The following IL1RL2 variants were observed in gnomAD, a reference collection of about 807,000 sequenced individuals.
IL1RL2 encodes the protein interleukin 1 receptor like 2.
A neutral mutation model predicts 66.8 loss-of-function variants in IL1RL2; 68 were observed. That is an observed-to-expected ratio of 1.02 (90% CI 0.84 to 1.25). IL1RL2 has a LOEUF of 1.25. Ranked by LOEUF, IL1RL2 falls within the 50% of genes most tolerant of loss-of-function variation. The pLI is 0.00. For missense variants in IL1RL2, 729 were observed against 709.3 expected, an observed-to-expected ratio of 1.03 and a Z score of -0.32; for synonymous variants, 305 against 264.6, an observed-to-expected ratio of 1.15 and a Z score of -1.48.
At chr2:102,207,485 G>T (rs748066857) in intron 5 of IL1RL2, among the ~76,000 whole-genome samples, 1 of 151,646 alleles carries the variant, frequency 6.6e-6, no homozygotes, top group Non-Finnish European at 1.5e-5. Context: ...AATCCTTTCC[G>T]TCAAGGCAGC....
chr2:102,200,986 A>T (rs3755290), intron 4 of IL1RL2, among the ~76,000 whole-genome samples: 5 of 152,062 alleles, frequency 3.3e-5, no homozygotes, highest in East Asian at 3.9e-4. Context: ...ACTTCTATAA[A>T]GTCCAATGCT....
chr2:102,206,759 T>A (rs1182722096), intron 5 of IL1RL2, among the ~76,000 whole-genome samples: 1 of 152,232 alleles, frequency 6.6e-6, no homozygotes, highest in African/African-American at 2.4e-5. Context: ...CTTTAGGCCC[T>A]GGTGCTCTAC....
At chr2:102,209,220 A>G (rs1205400893) in intron 5 of IL1RL2, among the ~76,000 whole-genome samples, 1 of 152,236 alleles carries the variant, frequency 6.6e-6, no homozygotes, top group Non-Finnish European at 1.5e-5. Context: ...AAAAGTGAAA[A>G]GCATTGTTTC....
At chr2:102,240,729 C>T (rs1291947707), downstream of IL1RL2, among the ~76,000 whole-genome samples, 1 of 152,218 alleles carries the variant, frequency 6.6e-6, no homozygotes, top group Non-Finnish European at 1.5e-5. Context: ...CTTCAATCAA[C>T]AAGGCTTTAT....
intron 1 of IL1RL2, 45 bp from the exon 2 acceptor site, chr2:102,187,811 C>T (rs1686821155): frequency 1.3e-6 from 2 of 1,528,948 alleles, no homozygotes; most frequent in East Asian, 4.5e-5. Context: ...CTCGGGCCCG[C>T]CCTACTGCGT....
In IL1RL2 at chr2:102,187,851, T is replaced by C; in HGVS notation, c.-12-5T>C. 1 of 1,614,000 alleles carries C rather than the reference T, an allele frequency of 6.2e-7. No individual in the cohort carries two copies. The highest frequency in any genetic ancestry group is 1.1e-5 in the South Asian group (1 of 91,088). Reference sequence around the variant, plus strand: ...CCCTCCCACCCTCTTCTCCCTTCCTTGCAGCCCGGTTTGGGGATGTGGTCC... The same window carrying C: ...CCCTCCCACCCTCTTCTCCCTTCCTCGCAGCCCGGTTTGGGGATGTGGTCC... On this transcript the variant is annotated splice_region_variant and splice_polypyrimidine_tract_variant and intron_variant, in intron 1 of 11. Coordinates refer to ENST00000264257, the MANE Select transcript of IL1RL2 (RefSeq NM_003854.4).
intron 5 of IL1RL2, among the ~76,000 whole-genome samples, chr2:102,207,344 C>T (rs1300523326): frequency 2.6e-5 from 4 of 152,192 alleles, no homozygotes; most frequent in Non-Finnish European, 5.9e-5. Context: ...ATAATGTGCT[C>T]AGTCTCACCT....
intron 2 of IL1RL2, among the ~76,000 whole-genome samples, chr2:102,188,431 T>TA (rs1466358247): frequency 3.3e-5 from 5 of 151,152 alleles, no homozygotes; most frequent in African/African-American, 1.2e-4. Context: ...AAAAATACAT[T>TA]AAAAAAATTA....
In IL1RL2 at chr2:102,222,999, A is replaced by G. The variant is rs539417690; in HGVS notation, c.992-2899A>G. On this transcript the variant is annotated intron_variant, in intron 8 of 11. Coordinates refer to ENST00000264257, the MANE Select transcript of IL1RL2 (RefSeq NM_003854.4). ...ACTTTTTGAAAGCACTGTGTTCCGA[A>G]GGATTCTGAGGCCAAGTCCAAGCTC... is the stretch of plus-strand genomic sequence containing the variant. Among the ~76,000 whole-genome samples the G allele has an allele frequency of 2.0e-5, 3 of 152,354 alleles. No individual in the cohort carries two copies. The East Asian group carries it at 5.8e-4, about 29-fold the overall frequency.
chr2:102,220,142 T>C, intron 8 of IL1RL2, 125 bp downstream of exon 8: 1 of 806,052 alleles, frequency 1.2e-6, no homozygotes, highest in Non-Finnish European at 1.8e-6. Context: ...AGGGACAAAC[T>C]CAGTATGAAA....
intron 5 of IL1RL2, among the ~76,000 whole-genome samples, chr2:102,208,353 A>G (rs1185769857): frequency 6.6e-6 from 1 of 152,140 alleles, no homozygotes; most frequent in Non-Finnish European, 1.5e-5. Context: ...CCAGGAGGGG[A>G]GCAACTTATT....
At chr2:102,232,615 G>A (rs1162930078) in intron 9 of IL1RL2, among the ~76,000 whole-genome samples, 3 of 152,184 alleles carry the variant, frequency 2.0e-5, no homozygotes, top group Non-Finnish European at 4.4e-5. Context: ...TGCGCTGGAC[G>A]AGTCTTCTGC....
At chr2:102,204,382 T>A (rs1688524959) in intron 5 of IL1RL2, among the ~76,000 whole-genome samples, 2 of 152,096 alleles carry the variant, frequency 1.3e-5, no homozygotes, top group South Asian at 4.1e-4. Flanking sequence ...GTTCTGTAAA[T>A]GGATCTATTA....
chr2:102,211,619 T>A (rs1689176911), intron 5 of IL1RL2, among the ~76,000 whole-genome samples: 1 of 152,210 alleles, frequency 6.6e-6, no homozygotes, highest in African/African-American at 2.4e-5. Context: ...TTTTTCCATC[T>A]ACATAACATT....
chr2:102,240,661 T>C (rs1675205565), downstream of IL1RL2, among the ~76,000 whole-genome samples: 1 of 152,222 alleles, frequency 6.6e-6, no homozygotes, highest in Non-Finnish European at 1.5e-5. Context: ...TCTGGAGAGC[T>C]CAGCCTCTCA....
intron 11 of IL1RL2, among the ~76,000 whole-genome samples, chr2:102,236,932 A>T (rs1281794789): frequency 6.6e-6 from 1 of 152,240 alleles, no homozygotes; most frequent in Non-Finnish European, 1.5e-5. Context: ...CCAGTTAAAG[A>T]ATTTACCAAC....
At chr2:102,240,183 A>C (rs1457910807), downstream of IL1RL2, among the ~76,000 whole-genome samples, 1 of 152,064 alleles carries the variant, frequency 6.6e-6, no homozygotes, top group Non-Finnish European at 1.5e-5. Context: ...GCAAAACCCA[A>C]CCTGTGATTG....
chr2:102,190,272 G>C (rs1194360118), intron 3 of IL1RL2, among the ~76,000 whole-genome samples: 1 of 152,174 alleles, frequency 6.6e-6, no homozygotes, highest in Non-Finnish European at 1.5e-5. Flanking sequence ...GCTTTGTGGG[G>C]CCTGAATAAA....
At chr2:102,205,630 T>C (rs1688639051) in intron 5 of IL1RL2, among the ~76,000 whole-genome samples, 1 of 152,226 alleles carries the variant, frequency 6.6e-6, no homozygotes, top group Non-Finnish European at 1.5e-5. Flanking sequence ...GTATGTTATT[T>C]GTTCCTTTTC....
Sources: gnomAD v4.1 joint callset for allele counts (sites outside exome capture counted in the v4.1 genomes callset) on GRCh38, gnomAD v4.1.1 for gene constraint, MANE v1.5 for transcripts, NCBI Gene and HGNC (gene_info 2026-07-23, HGNC 2026-07-21) for gene names.